CETN3: variants seen among roughly 807,000 people sequenced by gnomAD.
The protein encoded by CETN3 is centrin 3, also known as centrin-3.
Under a neutral mutation model 20.1 loss-of-function variants are expected in CETN3, and 17 were observed. The observed-to-expected ratio is 0.85, with a 90% CI of 0.58 to 1.27. CETN3 has a LOEUF of 1.27. Ranked by LOEUF, CETN3 falls within the 50% of genes most tolerant of loss-of-function variation. The pLI, the probability that CETN3 is intolerant of heterozygous loss-of-function variation, is 0.00. For missense variants in CETN3, 169 were observed against 191.2 expected (o/e 0.88, Z 0.69); for synonymous variants, 52 against 59.7 (o/e 0.87, Z 0.59).
At chr5:90,408,909 G>A (rs376208891) in intron 1 of CETN3, among the ~76,000 whole-genome samples, 2 of 151,970 alleles carry the variant, frequency 1.3e-5, no homozygotes, top group East Asian at 3.9e-4. Flanking sequence ...GGTATTCCTG[G>A]GGTCAGTCTT....
intron 3 of CETN3, among the ~76,000 whole-genome samples, chr5:90,400,516 C>G (rs746980356): frequency 4.1e-5 from 6 of 146,864 alleles, no homozygotes; most frequent in Non-Finnish European, 7.5e-5. Flanking sequence ...TCTGCCACTA[C>G]AAGAAAAGGT....
intron 4 of CETN3, among the ~76,000 whole-genome samples, chr5:90,398,424 T>C (rs944996831): frequency 2.0e-4 from 30 of 152,284 alleles, no homozygotes; most frequent in African/African-American, 6.7e-4. Flanking sequence ...TCATGATTCA[T>C]AGAGCGTTAT....
chr5:90,393,009 C>T lies in CETN3; in HGVS notation c.*1055G>A, dbSNP rs1008878136. The T allele has an allele frequency of 6.6e-6, 1 of 152,184 alleles. No homozygotes were observed. Among genetic ancestry groups the T allele is most frequent in the African/African-American group, 2.4e-5 (1 of 41,446 alleles). The allele number at this position is 152,184 out of a possible 1,614,324, so 9.4% of individuals were successfully genotyped here. A position where few individuals can be genotyped will look rare whatever the true frequency, so the allele number is the denominator to read the frequency against. On this transcript the variant is annotated 3_prime_UTR_variant, in exon 5 of 5. Transcript: ENST00000283122. ...GATTGCTGAAATAGACAACTCAATT[C>T]CGTTCCTGGGAGAGCCCATAACACC...
Position 90,407,685 on chromosome 5 carries a change from A to G in CETN3, c.153+14T>C. ...TTTTAACACAGAAACAAATATTTTA[A>G]AGTATACCATTACCTTTAATTCATG... On this transcript the variant is annotated intron_variant, in intron 2 of 4. Coordinates refer to ENST00000283122, the MANE Select transcript of CETN3 (RefSeq NM_004365.4). 1.4e-6 allele frequency: 2 copies of G among 1,431,290 alleles called. No homozygotes were observed. Among genetic ancestry groups the G allele is most frequent in the Non-Finnish European group, 1.9e-6 (2 of 1,065,406 alleles). 88.7% of individuals were successfully genotyped at this position (1,431,290 alleles called of 1,614,324 possible).
intron 1 of CETN3, among the ~76,000 whole-genome samples, chr5:90,408,992 T>TA (rs1433594953): frequency 6.6e-6 from 1 of 152,092 alleles, no homozygotes; most frequent in Non-Finnish European, 1.5e-5. Flanking sequence ...GTACCATGAT[T>TA]ATCCCTTAGC....
intron 3 of CETN3, chr5:90,405,362 T>C (rs944417141): frequency 1.9e-5 from 6 of 317,454 alleles, no homozygotes; most frequent in African/African-American, 6.4e-5. Flanking sequence ...TAAGCAAAAA[T>C]AATTTTTTGA....
At chr5:90,404,242 A>C (rs1749377777) in intron 3 of CETN3, among the ~76,000 whole-genome samples, 1 of 152,202 alleles carries the variant, frequency 6.6e-6, no homozygotes, top group Non-Finnish European at 1.5e-5. Flanking sequence ...GGTATTAAAA[A>C]GACCAAGTTC....
rs146064113 is a variant in CETN3, at chr5:90,399,150, G to A, written c.460+208C>T. ...TGAAATTTTGGTGGTTTCACCTTCA[G>A]AGAAAAGTGAAGGACCTTCTTGAAG... On this transcript the variant is annotated intron_variant, in intron 4 of 4. Transcript: ENST00000283122. 27 of 598,738 alleles carry A rather than the reference G, an allele frequency of 4.5e-5. No homozygotes were observed. In the East Asian group the frequency reaches 6.3e-4, roughly 14 times the overall value. The allele number at this position is 598,738 out of a possible 1,614,324, so 37.1% of individuals were successfully genotyped here. A position where few individuals can be genotyped will look rare whatever the true frequency, so the allele number is the denominator to read the frequency against.
At chr5:90,400,822 G>A (rs1165276502) in intron 3 of CETN3, among the ~76,000 whole-genome samples, 2 of 151,948 alleles carry the variant, frequency 1.3e-5, no homozygotes, top group Non-Finnish European at 2.9e-5. Context: ...GTAACTAATT[G>A]AAGTATATTA....
intron 4 of CETN3, among the ~76,000 whole-genome samples, chr5:90,394,706 C>T (rs1458887663): frequency 1.3e-5 from 2 of 151,846 alleles, no homozygotes; most frequent in African/African-American, 4.8e-5. Flanking sequence ...CAGATGTAAT[C>T]TTAATCACCA....
rs897828870 is a variant in CETN3 at position 90,393,272 on chromosome 5, T to A, written c.*792A>T. ...TTTCTATTTTCATCACTGTGACATG[T>A]AATTGAGTGATAATTACCTTAACAA... is the stretch of plus-strand genomic sequence containing the variant. On this transcript the variant is annotated 3_prime_UTR_variant, in exon 5 of 5. Coordinates refer to ENST00000283122, the MANE Select transcript of CETN3 (RefSeq NM_004365.4). The A allele has an allele frequency of 6.6e-6, 1 of 152,220 alleles. No homozygotes were observed. Among genetic ancestry groups the A allele is most frequent in the African/African-American group, 2.4e-5 (1 of 41,468 alleles). The allele number at this position is 152,220 out of a possible 1,614,324, so 9.4% of individuals were successfully genotyped here.
At chr5:90,409,333 G>A (rs548326894) in intron 1 of CETN3, among the ~76,000 whole-genome samples, 2 of 152,328 alleles carry the variant, frequency 1.3e-5, no homozygotes, top group South Asian at 2.1e-4. Flanking sequence ...GACCTGATCT[G>A]AGAAACAAGA....
chr5:90,405,638 A>T (rs371133816), intron 3 of CETN3, 47 bp downstream of exon 3: 33 of 1,221,534 alleles, frequency 2.7e-5, no homozygotes, highest in Middle Eastern at 1.9e-4. Context: ...TATTAATCAG[A>T]CAATTTCCTA....
chr5:90,408,842 G>GTA (rs1749540410), intron 1 of CETN3, among the ~76,000 whole-genome samples: 2 of 150,424 alleles, frequency 1.3e-5, no homozygotes, highest in South Asian at 2.1e-4. Flanking sequence ...AGTAGGTGCA[G>GTA]TATAACAAAG....
chr5:90,399,772 CTTA>C (rs770278635), intron 3 of CETN3, among the ~76,000 whole-genome samples: 23 of 151,996 alleles, frequency 1.5e-4, no homozygotes, highest in Non-Finnish European at 3.1e-4. Flanking sequence ...AGCAACTTGT[CTTA>C]TTATAAAAGT....
intron 4 of CETN3, among the ~76,000 whole-genome samples, chr5:90,397,787 C>A (rs115513514): frequency 0.017 from 2,539 of 152,174 alleles, 31 homozygotes; most frequent in Non-Finnish European, 0.026. Flanking sequence ...TTTGTGATAA[C>A]CTGGGCAGAT....
intron 3 of CETN3, among the ~76,000 whole-genome samples, chr5:90,400,113 T>G (rs1466856835): frequency 6.6e-6 from 1 of 152,142 alleles, no homozygotes; most frequent in African/African-American, 2.4e-5. Flanking sequence ...CACTAATACC[T>G]TTGTGATTAG....
intron 4 of CETN3, chr5:90,395,950 T>A: frequency 3.2e-6 from 3 of 925,098 alleles, no homozygotes; most frequent in Non-Finnish European, 3.9e-6. Flanking sequence ...TTTTTATACT[T>A]GAAACAGAAC....
chr5:90,400,737 A>G (rs1749267517), intron 3 of CETN3, among the ~76,000 whole-genome samples: 2 of 152,018 alleles, frequency 1.3e-5, no homozygotes, highest in South Asian at 4.1e-4. Context: ...ACCTATTCAA[A>G]TGACTATTAT....
Sources: allele counts gnomAD v4.1 joint callset (sites outside exome capture counted in the v4.1 genomes callset), GRCh38; gene constraint gnomAD v4.1.1; transcripts MANE v1.5; gene names NCBI Gene and HGNC (gene_info 2026-07-23, HGNC 2026-07-21).